RGS6: variants seen among roughly 807,000 people sequenced by gnomAD.
The protein encoded by RGS6 is regulator of G protein signaling 6, also known as regulator of G-protein signaling 6.
In RGS6, 30 loss-of-function variants were observed where a neutral mutation model predicts 78.5. The observed-to-expected ratio is 0.38, with a 90% CI of 0.29 to 0.52. The LOEUF (loss-of-function observed/expected upper bound fraction) is 0.52. RGS6 is among the 20% of genes least tolerant of loss of function. The probability of loss-of-function intolerance (pLI) is 0.85; values close to 1 mark genes in which losing one functional copy is unlikely to be tolerated. For synonymous variants in RGS6, 206 were observed against 206.0 expected (o/e 1.00, Z 0.00); for missense variants, 495 against 609.7 (o/e 0.81, Z 1.98).
intron 12 of RGS6, among the ~76,000 whole-genome samples, chr14:72,491,584 T>C (rs1030226348): frequency 3.9e-5 from 6 of 152,356 alleles, no homozygotes; most frequent in Non-Finnish European, 7.3e-5. Flanking sequence ...CAGGCCCCTA[T>C]GTCTGTATTT....
intron 2 of RGS6, among the ~76,000 whole-genome samples, chr14:72,305,392 T>C (rs1289520039): frequency 6.6e-6 from 1 of 152,130 alleles, no homozygotes; most frequent in Non-Finnish European, 1.5e-5. Context: ...AGATATCACA[T>C]TTTTTTACAA....
chr14:72,076,365 T>C (rs552236851), intron 2 of RGS6, among the ~76,000 whole-genome samples: 236 of 152,336 alleles, frequency 1.5e-3, no homozygotes, highest in Non-Finnish European at 2.7e-3. Flanking sequence ...ATAGATAGCA[T>C]TGCATTACAT....
intron 2 of RGS6, among the ~76,000 whole-genome samples, chr14:72,212,553 C>T (rs889885622): frequency 6.6e-6 from 1 of 152,154 alleles, no homozygotes; most frequent in African/African-American, 2.4e-5. Flanking sequence ...TTTGGAAGTT[C>T]TCCAGTGACA....
chr14:71,947,507 CAG>C (rs1211364730), intron 1 of RGS6, among the ~76,000 whole-genome samples: 3 of 152,126 alleles, frequency 2.0e-5, no homozygotes, highest in Admixed American at 2.0e-4. Context: ...GTTTTCGAGA[CAG>C]GGTCTCACTC....
At chr14:72,460,222 A>G (rs2095744160) in intron 6 of RGS6, among the ~76,000 whole-genome samples, 1 of 152,244 alleles carries the variant, frequency 6.6e-6, no homozygotes, top group Non-Finnish European at 1.5e-5. Context: ...CTGTCTCTCT[A>G]GACAGGGACC....
intron 3 of RGS6, among the ~76,000 whole-genome samples, chr14:72,445,247 A>G (rs981655699): frequency 6.6e-6 from 1 of 152,172 alleles, no homozygotes; most frequent in Non-Finnish European, 1.5e-5. Flanking sequence ...GCTGGAGTGT[A>G]GTGGTGCAGT....
chr14:72,518,345 C>A lies in RGS6; in HGVS notation c.1092-6C>A, dbSNP rs1567036730. The A allele has an allele frequency of 6.2e-7, 1 of 1,612,142 alleles. No individual in the cohort carries two copies. The highest frequency in any genetic ancestry group is 1.3e-5 in the African/African-American group (1 of 74,974). ...GGAACTGACTGTGTTTCTGCTCCCACTTCAGGTTCTGGCTGGCTGTCCAAG... is the reference window on the plus strand; with the variant it reads ...GGAACTGACTGTGTTTCTGCTCCCAATTCAGGTTCTGGCTGGCTGTCCAAG... On this transcript the variant is annotated splice_polypyrimidine_tract_variant and splice_region_variant and intron_variant, in intron 14 of 17. Coordinates refer to ENST00000553525, the MANE Select transcript of RGS6 (RefSeq NM_001204424.2).
intron 17 of RGS6, among the ~76,000 whole-genome samples, chr14:72,543,768 C>T (rs1291151397): frequency 6.6e-6 from 1 of 152,248 alleles, no homozygotes; most frequent in Non-Finnish European, 1.5e-5. Context: ...GAGACAGAGT[C>T]TCACTCTCCG....
chr14:72,123,505 G>A (rs1009753359), intron 2 of RGS6, among the ~76,000 whole-genome samples: 1 of 152,074 alleles, frequency 6.6e-6, no homozygotes, highest in South Asian at 2.1e-4. Flanking sequence ...ATTTTAATGG[G>A]GGGACCAAAC....
chr14:72,487,348 A>C (rs17780517), intron 12 of RGS6, among the ~76,000 whole-genome samples: 2 of 152,174 alleles, frequency 1.3e-5, no homozygotes, highest in Admixed American at 1.3e-4. Flanking sequence ...CATAAATTGC[A>C]GTCAAACTAC....
intron 14 of RGS6, among the ~76,000 whole-genome samples, 200 bp from the exon 15 acceptor site, chr14:72,518,151 A>G (rs946632493): frequency 1.3e-5 from 2 of 152,228 alleles, no homozygotes; most frequent in Admixed American, 6.5e-5. Flanking sequence ...TTAATATGCA[A>G]TTCTTTTCTG....
chr14:72,399,771 A>G (rs1311230107), intron 3 of RGS6, among the ~76,000 whole-genome samples: 3 of 152,160 alleles, frequency 2.0e-5, no homozygotes, highest in Non-Finnish European at 4.4e-5. Flanking sequence ...AAAGTATTTT[A>G]TTTCTCCTTC....
At chr14:72,095,510 A>G (rs944725480) in intron 2 of RGS6, among the ~76,000 whole-genome samples, 3 of 152,172 alleles carry the variant, frequency 2.0e-5, no homozygotes, top group Non-Finnish European at 2.9e-5. Context: ...CAAAAGTTTC[A>G]TCGGAACTCC....
chr14:72,154,699 T>C (rs147117655), intron 2 of RGS6, among the ~76,000 whole-genome samples: 6 of 152,360 alleles, frequency 3.9e-5, no homozygotes, highest in Non-Finnish European at 8.8e-5. Flanking sequence ...TCTTTCTAAA[T>C]AGATAAATGA....
At chr14:72,089,700 G>A (rs2095193943) in intron 2 of RGS6, among the ~76,000 whole-genome samples, 1 of 152,230 alleles carries the variant, frequency 6.6e-6, no homozygotes. Flanking sequence ...ATATGCTAAT[G>A]CGTTTGAGTT....
chr14:72,273,962 T>G (rs982611083), intron 2 of RGS6, among the ~76,000 whole-genome samples: 1 of 152,044 alleles, frequency 6.6e-6, no homozygotes, highest in African/African-American at 2.4e-5. Context: ...GTGTGTAGAG[T>G]GATTTAGAAC....
rs2049474639 is a variant in RGS6 at position 72,231,177 on chromosome 14, TC to T, written c.85-120914del. 2.0e-5 allele frequency among the ~76,000 whole-genome samples: 3 copies of T among 152,054 alleles called. No homozygotes were observed. The South Asian group carries it at 6.2e-4, about 32-fold the overall frequency. On this transcript the variant is annotated intron_variant, in intron 2 of 17. Coordinates refer to ENST00000553525, the MANE Select transcript of RGS6 (RefSeq NM_001204424.2). ...GTTGTGGCTGGACTGAGAAGTTAGT[TC>T]CCCAAGCGTAAAGTGACAAGAGCAT... is the stretch of plus-strand genomic sequence containing the variant.
At chr14:72,155,597 G>C (rs1436381155) in intron 2 of RGS6, among the ~76,000 whole-genome samples, 1 of 152,192 alleles carries the variant, frequency 6.6e-6, no homozygotes, top group Non-Finnish European at 1.5e-5. Flanking sequence ...TTTGATTTCT[G>C]ACCTTAATTA....
At chr14:71,914,708 A>C in the RGS6 span, among the ~76,000 whole-genome samples, 2 of 151,984 alleles carry the variant, frequency 1.3e-5, no homozygotes, top group Non-Finnish European at 2.9e-5. Context: ...ATGTACAAGT[A>C]GTGTTTTTTA....
Sources: allele counts gnomAD v4.1 joint callset (sites outside exome capture counted in the v4.1 genomes callset), GRCh38; gene constraint gnomAD v4.1.1; transcripts MANE v1.5; gene names NCBI Gene and HGNC (gene_info 2026-07-23, HGNC 2026-07-21).